The following VGLL2 variants were observed in gnomAD, a reference collection of about 807,000 sequenced individuals.
VGLL2 encodes transcription cofactor vestigial-like protein 2.
A neutral mutation model predicts 27.0 loss-of-function variants in VGLL2; 18 were observed. The ratio of observed to expected loss-of-function variants is 0.67; its 90% CI spans 0.46 to 0.99. The LOEUF (loss-of-function observed/expected upper bound fraction) is 0.99. VGLL2 is among the 50% of genes least tolerant of loss of function. The pLI, the probability that VGLL2 is intolerant of heterozygous loss-of-function variation, is 0.00. For missense variants in VGLL2, 491 were observed against 452.3 expected, an observed-to-expected ratio of 1.09 and a Z score of -0.78; for synonymous variants, 220 against 201.1, an observed-to-expected ratio of 1.09 and a Z score of -0.80.
chr6:117,270,733 G>A lies in VGLL2; in HGVS notation c.582G>A (p.Trp194Ter), dbSNP rs1204567218. 1 of 1,518,926 alleles carries A rather than the reference G, an allele frequency of 6.6e-7. No individual in the cohort carries two copies. The highest frequency in any genetic ancestry group is 8.7e-7 in the Non-Finnish European group (1 of 1,143,328). The allele number at this position is 1,518,926 out of a possible 1,614,324, so 94.1% of individuals were successfully genotyped here. A position where few individuals can be genotyped will look rare whatever the true frequency, so the allele number is the denominator to read the frequency against. ...GHLHQGATEP[W>*]HHAHPHHAHP... ...TGCACCAGGGCGCCACGGAGCCCTG[G>A]CACCACGCGCACCCGCACCACGCGC... The change falls in exon 3 of 4, where the codon TGG becomes TGA. Residue 194 changes from tryptophan (W) to a stop codon, truncating the protein, a stop_gained. Coordinates refer to ENST00000326274, the MANE Select transcript of VGLL2 (RefSeq NM_182645.3). LOFTEE classifies it high-confidence loss of function.
Position 117,270,734 on chromosome 6 carries a change from C to G in VGLL2, c.583C>G (p.His195Asp). The G allele has an allele frequency of 6.6e-7, 1 of 1,519,118 alleles. No individual in the cohort carries two copies. Among genetic ancestry groups the G allele is most frequent in the Admixed American group, 2.0e-5 (1 of 49,784 alleles). The allele number at this position is 1,519,118 out of a possible 1,614,324, so 94.1% of individuals were successfully genotyped here. A position where few individuals can be genotyped will look rare whatever the true frequency, so the allele number is the denominator to read the frequency against. ...GCACCAGGGCGCCACGGAGCCCTGG[C>G]ACCACGCGCACCCGCACCACGCGCA... is the stretch of plus-strand genomic sequence containing the variant. ...HLHQGATEPW[H>D]HAHPHHAHPH... The change falls in exon 3 of 4, where the codon CAC becomes GAC. Residue 195 changes from histidine (H) to aspartate (D), a missense_variant. Transcript: ENST00000326274.
Position 117,265,577 on chromosome 6 carries a change from GTCGGGAGTAAAA to G in VGLL2, c.-183_-172del. 3.3e-6 allele frequency: 2 copies of G among 603,484 alleles called. No homozygotes were observed. Among genetic ancestry groups the G allele is most frequent in the South Asian group, 2.0e-5 (1 of 51,230 alleles). The allele number at this position is 603,484 out of a possible 1,614,324, so 37.4% of individuals were successfully genotyped here. The stretch of plus-strand genomic sequence containing the variant: ...TCAGGCGCTTCTGCCCTGGAGCGCG[GTCGGGAGTAAAA>G]TCGCAGGAGTGGGAGGGTAGCGAGC... On this transcript the variant is annotated 5_prime_UTR_variant, in exon 1 of 4. Coordinates refer to ENST00000326274, the MANE Select transcript of VGLL2 (RefSeq NM_182645.3).
At position 117,268,422 on chromosome 6, in the gene VGLL2, A is replaced by C. The variant is rs775995194; in HGVS notation, c.322A>C (p.Ser108Arg). 1.4e-5 allele frequency: 23 copies of C among 1,614,106 alleles called. No individual in the cohort carries two copies. Among genetic ancestry groups the C allele is most frequent in the Non-Finnish European group, 1.9e-5 (23 of 1,180,020 alleles). ...VVDEHFSRAL[S>R]QPSSYSPSCT... is the part of the protein sequence containing the mutation. ...GGATGAACATTTCAGCAGGGCCCTG[A>C]GCCAACCCAGCAGCTACTCTCCTAG... Residue 108 changes from serine (S) to arginine (R), a missense_variant, in exon 2 of 4, where the codon AGC becomes CGC. By Grantham distance (110) the Ser-to-Arg change is moderately radical (BLOSUM62 -1). Coordinates refer to ENST00000326274, the MANE Select transcript of VGLL2 (RefSeq NM_182645.3).
At chr6:117,271,367 C>G (rs544515236) in intron 3 of VGLL2, among the ~76,000 whole-genome samples, 1 of 149,196 alleles carries the variant, frequency 6.7e-6, no homozygotes, top group South Asian at 2.1e-4. Context: ...TGGAAAAGTT[C>G]TAGCTCTGCG....
intron 2 of VGLL2, among the ~76,000 whole-genome samples, chr6:117,270,253 C>A (rs1006782120): frequency 2.0e-5 from 3 of 152,136 alleles, no homozygotes; most frequent in Non-Finnish European, 1.5e-5. Context: ...TTGGTTTCCG[C>A]ACTGAGGACT....
intron 1 of VGLL2, among the ~76,000 whole-genome samples, chr6:117,266,401 G>T (rs942347001): frequency 2.0e-5 from 3 of 152,186 alleles, no homozygotes; most frequent in Admixed American, 6.5e-5. Context: ...AGAGCACCGC[G>T]CAGTTTTATA....
chr6:117,268,643 G>C, intron 2 of VGLL2, 152 bp downstream of exon 2: 4 of 847,298 alleles, frequency 4.7e-6, no homozygotes, highest in Non-Finnish European at 7.2e-6. Context: ...GAAAACGCAG[G>C]GGTAAAGGGC....
intron 1 of VGLL2, 95 bp from the exon 2 acceptor site, chr6:117,268,087 T>A: frequency 1.5e-6 from 2 of 1,316,140 alleles, no homozygotes; most frequent in Admixed American, 2.1e-5. Flanking sequence ...AGTTTCCCCA[T>A]AAATACCTTA....
In VGLL2 at chr6:117,270,827, G is replaced by A. The variant is rs1374764275; in HGVS notation, c.676G>A (p.Ala226Thr). ...GGCCGCCCCCTACCCGCGCCCCGCCGCCGTGCACGAAGTCTACGCGCCGCA... is the reference window on the plus strand; with the variant it reads ...GGCCGCCCCCTACCCGCGCCCCGCCACCGTGCACGAAGTCTACGCGCCGCA... ...AQAAPYPRPA[A>T]VHEVYAPHFD... The change falls in exon 3 of 4, where the codon GCC (alanine) becomes ACC (threonine). Residue 226 changes from alanine to threonine, a missense_variant. Coordinates refer to ENST00000326274, the MANE Select transcript of VGLL2 (RefSeq NM_182645.3). 3.5e-6 allele frequency: 5 copies of A among 1,430,778 alleles called. No individual in the cohort carries two copies. Among genetic ancestry groups the A allele is most frequent in the East Asian group, 3.2e-5 (1 of 31,172 alleles). The allele number at this position is 1,430,778 out of a possible 1,614,324, so 88.6% of individuals were successfully genotyped here. A position where few individuals can be genotyped will look rare whatever the true frequency, so the allele number is the denominator to read the frequency against.
At chr6:117,268,984 A>T (rs766802384) in intron 2 of VGLL2, among the ~76,000 whole-genome samples, 2 of 152,242 alleles carry the variant, frequency 1.3e-5, no homozygotes, top group Non-Finnish European at 1.5e-5. Context: ...AAACAGTTCT[A>T]GAGCTCCATG....
intron 3 of VGLL2, 107 bp downstream of exon 3, chr6:117,271,171 G>A (rs1236789373): frequency 3.0e-5 from 31 of 1,020,914 alleles, no homozygotes; most frequent in Non-Finnish European, 3.9e-5. Flanking sequence ...GAATTCTGTG[G>A]CCCAAGGATC....
Position 117,270,539 on chromosome 6 carries a change from A to G in VGLL2, c.392-4A>G, listed in dbSNP as rs2128517139. ...TCCACTCCGCCTCCCCGGCCGGCCT[A>G]CAGACTGCTCCTTCCCGATGAGCCA... is the stretch of plus-strand genomic sequence containing the variant. On this transcript the variant is annotated splice_region_variant and splice_polypyrimidine_tract_variant and intron_variant, in intron 2 of 3. Coordinates refer to ENST00000326274, the MANE Select transcript of VGLL2 (RefSeq NM_182645.3). 1 of 1,592,212 alleles carries G rather than the reference A, an allele frequency of 6.3e-7. No individual in the cohort carries two copies. The highest frequency in any genetic ancestry group is 8.5e-7 in the Non-Finnish European group (1 of 1,170,754).
rs950666623 is a variant in VGLL2 at position 117,272,741 on chromosome 6, T to C, written c.*247T>C. On this transcript the variant is annotated 3_prime_UTR_variant, in exon 4 of 4. Coordinates refer to ENST00000326274, the MANE Select transcript of VGLL2 (RefSeq NM_182645.3). ...TTGGCCGAATCACTGGAAATATCTG[T>C]GGTGAGATTGCTGAGTCAGGTGATG... The C allele has an allele frequency of 5.2e-5, 29 of 554,184 alleles. No individual in the cohort carries two copies. Among genetic ancestry groups the C allele is most frequent in the Admixed American group, 1.0e-4 (3 of 28,868 alleles). The allele number at this position is 554,184 out of a possible 1,614,324, so 34.3% of individuals were successfully genotyped here.
chr6:117,270,577 C>G lies in VGLL2; in HGVS notation c.426C>G (p.Pro142=). 1 of 1,598,938 alleles carries G rather than the reference C, an allele frequency of 6.3e-7. No individual in the cohort carries two copies. The highest frequency in any genetic ancestry group is 1.7e-4 in the Middle Eastern group (1 of 6,038). The change falls in exon 3 of 4, where the codon CCC becomes CCG. Residue 142 remains proline (P), a synonymous_variant. Coordinates refer to ENST00000326274, the MANE Select transcript of VGLL2 (RefSeq NM_182645.3). ...TCCCGATGAGCCAGCGCAGCTTCCCCGCCTCCTTCTGGAATAGCGCGTACC... is the reference window on the plus strand; with the variant it reads ...TCCCGATGAGCCAGCGCAGCTTCCCGGCCTCCTTCTGGAATAGCGCGTACC... The part of the protein sequence containing the change: ...CSFPMSQRSF[P]ASFWNSAYQA...
rs775066721 is a variant in VGLL2 at position 117,270,609 on chromosome 6, C to T, written c.458C>T (p.Pro153Leu). ...ASFWNSAYQA[P>L]VPPPLGSPLA... The stretch of plus-strand genomic sequence containing the variant: ...TTCTGGAATAGCGCGTACCAGGCGC[C>T]AGTGCCCCCGCCGCTGGGCAGCCCT... Residue 153 changes from proline to leucine, a missense_variant, in exon 3 of 4, where the codon CCA becomes CTA. Physicochemically the swap from Pro to Leu is moderately conservative, Grantham distance 98. Coordinates refer to ENST00000326274, the MANE Select transcript of VGLL2 (RefSeq NM_182645.3). The T allele has an allele frequency of 1.4e-5, 22 of 1,572,222 alleles. No individual in the cohort carries two copies. Among genetic ancestry groups the T allele is most frequent in the African/African-American group, 5.5e-5 (4 of 72,998 alleles).
intron 2 of VGLL2, among the ~76,000 whole-genome samples, chr6:117,270,160 C>T (rs1291972517): frequency 6.6e-6 from 1 of 151,984 alleles, no homozygotes; most frequent in Non-Finnish European, 1.5e-5. Context: ...GGCCGTGCTG[C>T]GCTGAGTCGC....
Position 117,270,753 on chromosome 6 carries a change from A to C in VGLL2, c.602A>C (p.His201Pro). 1.3e-6 allele frequency: 2 copies of C among 1,507,002 alleles called. No homozygotes were observed. Among genetic ancestry groups the C allele is most frequent in the Non-Finnish European group, 1.8e-6 (2 of 1,137,670 alleles). The allele number at this position is 1,507,002 out of a possible 1,614,324, so 93.4% of individuals were successfully genotyped here. Residue 201 changes from histidine (H) to proline (P), a missense_variant, in exon 3 of 4, where the codon CAC becomes CCC. Coordinates refer to ENST00000326274, the MANE Select transcript of VGLL2 (RefSeq NM_182645.3). ...TEPWHHAHPH[H>P]AHPHHPYALG... ...CCCTGGCACCACGCGCACCCGCACC[A>C]CGCGCACCCGCATCACCCCTACGCC... is the stretch of plus-strand genomic sequence containing the variant.
rs1343177862 is a variant in VGLL2 at position 117,270,982 on chromosome 6, C to A, written c.831C>A (p.Gly277=). 10 of 1,231,836 alleles carry A rather than the reference C, an allele frequency of 8.1e-6. No individual in the cohort carries two copies. The Admixed American group carries it at 3.9e-4, about 48-fold the overall frequency. The allele number at this position is 1,231,836 out of a possible 1,614,324, so 76.3% of individuals were successfully genotyped here. A position where few individuals can be genotyped will look rare whatever the true frequency, so the allele number is the denominator to read the frequency against. ...TCTCCGGCAAAGGCGAGCCGGCGGG[C>A]GCCGCGTGGGCCGGGCCCGGGGGAC... ...CELSGKGEPA[G]AAWAGPGGPF... is the part of the protein sequence containing the mutation. Residue 277 remains glycine (G), a synonymous_variant, in exon 3 of 4, where the codon GGC becomes GGA. Coordinates refer to ENST00000326274, the MANE Select transcript of VGLL2 (RefSeq NM_182645.3).
chr6:117,265,964 G>A (rs1773059109), intron 1 of VGLL2, 120 bp downstream of exon 1: 5 of 918,080 alleles, frequency 5.4e-6, no homozygotes, highest in Middle Eastern at 2.9e-4. Context: ...CACGACCGGC[G>A]CAGCCGGGAT....
Sources: gnomAD v4.1 joint callset for allele counts (sites outside exome capture counted in the v4.1 genomes callset) on GRCh38, gnomAD v4.1.1 for gene constraint, MANE v1.5 for transcripts, NCBI Gene and HGNC (gene_info 2026-07-23, HGNC 2026-07-21) for gene names.